Variants in ARHGEF28 observed in about 807,000 individuals in gnomAD.
The protein encoded by ARHGEF28 is 190 kDa guanine nucleotide exchange factor.
Under a neutral mutation model 206.6 loss-of-function variants are expected in ARHGEF28, and 152 were observed. The observed-to-expected ratio is 0.74, with a 90% CI of 0.64 to 0.84. ARHGEF28 has a LOEUF of 0.84. Ranked by LOEUF, ARHGEF28 falls within the 40% of genes least tolerant of loss-of-function variation. The probability of loss-of-function intolerance (pLI) is 0.00; values close to 1 mark genes in which losing one functional copy is unlikely to be tolerated. For synonymous variants in ARHGEF28, 763 were observed against 776.4 expected (o/e 0.98, Z 0.29); for missense variants, 2,028 against 2,073.2 (o/e 0.98, Z 0.42).
At chr5:73,777,953 C>T (rs1314577585) in intron 6 of ARHGEF28, 1 of 152,652 alleles carries the variant, frequency 6.6e-6, no homozygotes, top group Non-Finnish European at 1.5e-5. Flanking sequence ...GTGGCATGCG[C>T]CTGTAGTCCT....
In ARHGEF28 at chr5:73,670,993, C is replaced by CT. The variant is rs368029703; in HGVS notation, c.-11-13839dup. Among the ~76,000 whole-genome samples the CT allele has an allele frequency of 7.4e-3, 1,122 of 150,990 alleles. 13 individuals carry two copies. Among genetic ancestry groups the CT allele is most frequent in the African/African-American group, 0.026 (1,063 of 41,132 alleles). ...ATGGTTTAAAAGAAGCATTCTTAGC[C>CT]TTTTTTTTTCAGGTCTAACGGGCCC... is the stretch of plus-strand genomic sequence containing the variant. On this transcript the variant is annotated intron_variant, in intron 1 of 35. Coordinates refer to ENST00000513042, the MANE Select transcript of ARHGEF28 (RefSeq NM_001177693.2).
intron 2 of ARHGEF28, among the ~76,000 whole-genome samples, chr5:73,701,602 C>T (rs1436454425): frequency 6.6e-6 from 1 of 152,046 alleles, no homozygotes; most frequent in African/African-American, 2.4e-5. Flanking sequence ...ATACATATGC[C>T]CTCACTCCCC....
At chr5:73,712,571 G>A (rs1242773726) in intron 2 of ARHGEF28, among the ~76,000 whole-genome samples, 1 of 152,192 alleles carries the variant, frequency 6.6e-6, no homozygotes, top group Non-Finnish European at 1.5e-5. Context: ...AAAGGGTAGT[G>A]TTTAAAAATT....
intron 4 of ARHGEF28, among the ~76,000 whole-genome samples, chr5:73,765,901 C>T (rs568011764): frequency 6.6e-6 from 1 of 152,150 alleles, no homozygotes; most frequent in Non-Finnish European, 1.5e-5. Context: ...GCCTGTAATC[C>T]CAGCACTTTG....
At chr5:73,684,694 C>G in intron 1 of ARHGEF28, 147 bp from the exon 2 acceptor site, 1 of 532,586 alleles carries the variant, frequency 1.9e-6, no homozygotes, top group Non-Finnish European at 3.3e-6. Flanking sequence ...GCATCTTAGT[C>G]CTTTATTCTT....
At chr5:73,675,997 G>T (rs796345910) in intron 1 of ARHGEF28, among the ~76,000 whole-genome samples, 94 of 151,388 alleles carry the variant, frequency 6.2e-4, no homozygotes, top group African/African-American at 2.2e-3. Context: ...TAAGGAGGGG[G>T]GTGTGAAATT....
At chr5:73,765,577 TTTA>T (rs1271943969) in intron 4 of ARHGEF28, among the ~76,000 whole-genome samples, 1 of 152,206 alleles carries the variant, frequency 6.6e-6, no homozygotes, top group Non-Finnish European at 1.5e-5. Context: ...TTATGACTGG[TTTA>T]TTGAGATATA....
chr5:73,882,499 A>G lies in ARHGEF28; in HGVS notation c.2842A>G (p.Lys948Glu), dbSNP rs1465114879. Residue 948 changes from lysine (K) to glutamate (E), a missense_variant, in exon 23 of 36, where the codon AAG becomes GAG. Coordinates refer to ENST00000513042, the MANE Select transcript of ARHGEF28 (RefSeq NM_001177693.2). ...TTCAGAAGAAAATGCAAGTAAAATG[A>G]AGAAAATATATGGAGAATTCTGTTG... ...QFSEENASKM[K>E]KIYGEFCCHH... is the part of the protein sequence containing the mutation. 2 of 1,465,542 alleles carry G rather than the reference A, an allele frequency of 1.4e-6. No homozygotes were observed. The highest frequency in any genetic ancestry group is 2.4e-5 in the East Asian group (1 of 41,092). The allele number at this position is 1,465,542 out of a possible 1,614,324, so 90.8% of individuals were successfully genotyped here.
At chr5:73,738,220 G>T (rs940049148) in intron 2 of ARHGEF28, among the ~76,000 whole-genome samples, 1 of 152,116 alleles carries the variant, frequency 6.6e-6, no homozygotes, top group Admixed American at 6.5e-5. Context: ...TAGTAGCTTG[G>T]GGGAGTGGGA....
At position 73,730,534 on chromosome 5, in the gene ARHGEF28, A is replaced by ATTT. The variant is rs968990208; in HGVS notation, c.34-19285_34-19283dup. On this transcript the variant is annotated intron_variant, in intron 2 of 35. Transcript: ENST00000513042. ...GTTCAAACTGTCCACCATAAGGAGG[A>ATTT]TTTTTTTTTTTTTTTTTTTTGTCAG... 4.2e-4 allele frequency among the ~76,000 whole-genome samples: 49 copies of ATTT among 117,416 alleles called. 2 individuals are homozygous for ATTT. Among genetic ancestry groups the ATTT allele is most frequent in the African/African-American group, 1.4e-3 (39 of 28,262 alleles). 77.0% of individuals were successfully genotyped at this position (117,416 alleles called of 152,430 possible).
chr5:73,856,766 T>G (rs1759067655), intron 14 of ARHGEF28, among the ~76,000 whole-genome samples: 1 of 152,056 alleles, frequency 6.6e-6, no homozygotes, highest in Non-Finnish European at 1.5e-5. Context: ...TATGGAAAGG[T>G]GAGAATTTTA....
chr5:73,674,570 C>T (rs1004890074), intron 1 of ARHGEF28, among the ~76,000 whole-genome samples: 3 of 152,224 alleles, frequency 2.0e-5, no homozygotes, highest in African/African-American at 7.2e-5. Flanking sequence ...AATGCCTAAA[C>T]TCCTTAGAAT....
chr5:73,659,156 A>G (rs1745426776), intron 1 of ARHGEF28, among the ~76,000 whole-genome samples: 1 of 152,132 alleles, frequency 6.6e-6, no homozygotes, highest in Non-Finnish European at 1.5e-5. Context: ...AAAGATCAAG[A>G]TTTTAAACTC....
In ARHGEF28 at chr5:73,806,379, T is replaced by TGG. The variant is rs1278553153; in HGVS notation, c.1024+10988_1024+10989insGG. On this transcript the variant is annotated intron_variant, in intron 9 of 35. Coordinates refer to ENST00000513042, the MANE Select transcript of ARHGEF28 (RefSeq NM_001177693.2). Reference sequence around the variant, plus strand: ...ACTATCTATCTATATATACTATATATAGATATATAGATATATATACATATA... The same window carrying TGG: ...ACTATCTATCTATATATACTATATATGGAGATATATAGATATATATACATATA... Among the ~76,000 whole-genome samples, 3 of 28,592 alleles carry TGG rather than the reference T, an allele frequency of 1.0e-4. 1 individual carries two copies. Among genetic ancestry groups the TGG allele is most frequent in the East Asian group, 6.9e-3 (2 of 290 alleles). 18.8% of individuals were successfully genotyped at this position (28,592 alleles called of 152,430 possible). A position where few individuals can be genotyped will look rare whatever the true frequency, so the allele number is the denominator to read the frequency against.
At chr5:73,683,447 G>C (rs1230726181) in intron 1 of ARHGEF28, among the ~76,000 whole-genome samples, 1 of 151,796 alleles carries the variant, frequency 6.6e-6, no homozygotes, top group African/African-American at 2.4e-5. Flanking sequence ...CATATAACTG[G>C]CATCATATAG....
chr5:73,711,266 G>T (rs1749228561), intron 2 of ARHGEF28, among the ~76,000 whole-genome samples: 1 of 151,978 alleles, frequency 6.6e-6, no homozygotes, highest in African/African-American at 2.4e-5. Flanking sequence ...GAGCAGCGTT[G>T]GTCCTCCAAC....
At chr5:73,720,187 G>A (rs985381793) in intron 2 of ARHGEF28, among the ~76,000 whole-genome samples, 2 of 152,186 alleles carry the variant, frequency 1.3e-5, no homozygotes, top group Non-Finnish European at 2.9e-5. Context: ...ATTTCCAGTT[G>A]TGCCATTTTA....
chr5:73,864,285 C>T (rs1212119122), intron 16 of ARHGEF28, among the ~76,000 whole-genome samples: 3 of 152,202 alleles, frequency 2.0e-5, no homozygotes, highest in Admixed American at 2.0e-4. Flanking sequence ...TGATATAAAA[C>T]AATGGGCACA....
At chr5:73,635,011 G>A (rs1245799598) in intron 1 of ARHGEF28, among the ~76,000 whole-genome samples, 1 of 152,190 alleles carries the variant, frequency 6.6e-6, no homozygotes, top group Non-Finnish European at 1.5e-5. Context: ...ACTCCCTCAT[G>A]TTTGTTCTTG....
Sources: gnomAD v4.1 joint callset for allele counts (sites outside exome capture counted in the v4.1 genomes callset) on GRCh38, gnomAD v4.1.1 for gene constraint, MANE v1.5 for transcripts, NCBI Gene and HGNC (gene_info 2026-07-23, HGNC 2026-07-21) for gene names.